The following PDE6A variants were observed in gnomAD, a reference collection of about 807,000 sequenced individuals.
The protein encoded by PDE6A is rod cGMP-specific 3',5'-cyclic phosphodiesterase subunit alpha.
Under a neutral mutation model 106.3 loss-of-function variants are expected in PDE6A, and 84 were observed. The observed-to-expected ratio is 0.79, with a 90% confidence interval of 0.66 to 0.95. The LOEUF is 0.95. Ranked by LOEUF, PDE6A falls within the 40% of genes least tolerant of loss-of-function variation. The pLI, the probability that PDE6A is intolerant of heterozygous loss-of-function variation, is 0.00. For missense variants in PDE6A, 1,052 were observed against 1,084.9 expected (o/e 0.97, Z 0.43); for synonymous variants, 394 against 386.6 (o/e 1.02, Z -0.23).
chr5:149,872,066 T>C (rs1158026311), intron 17 of PDE6A, among the ~76,000 whole-genome samples: 1 of 152,160 alleles, frequency 6.6e-6, no homozygotes, highest in Non-Finnish European at 1.5e-5. Context: ...CCTTATGCTC[T>C]CAGTAGACGA....
In PDE6A at chr5:149,907,301, A is replaced by T. The variant is rs1216848677; in HGVS notation, c.1065+11T>A. 1.2e-6 allele frequency: 2 copies of T among 1,602,486 alleles called. No individual in the cohort carries two copies. Among genetic ancestry groups the T allele is most frequent in the Middle Eastern group, 1.7e-4 (1 of 6,042 alleles). The stretch of plus-strand genomic sequence containing the variant: ...TCCAAAACTCTCCCCCTTCAAAGTT[A>T]TATTACTTACCAGGCCATTCTGGGC... On this transcript the variant is annotated intron_variant, in intron 7 of 21. Coordinates refer to ENST00000255266, the MANE Select transcript of PDE6A (RefSeq NM_000440.3).
At chr5:149,892,094 C>T (rs141633123) in intron 13 of PDE6A, among the ~76,000 whole-genome samples, 1 of 152,154 alleles carries the variant, frequency 6.6e-6, no homozygotes, top group African/African-American at 2.4e-5. Flanking sequence ...AGGAGGATCA[C>T]TTGAGGCCAG....
At chr5:149,881,980 A>G (rs1024872120) in intron 17 of PDE6A, among the ~76,000 whole-genome samples, 7 of 151,794 alleles carry the variant, frequency 4.6e-5, no homozygotes, top group African/African-American at 1.5e-4. Context: ...TGAGCCTGGA[A>G]GGTTGAGGCT....
chr5:149,902,765 T>A (rs1434085984), intron 8 of PDE6A, among the ~76,000 whole-genome samples: 1 of 148,688 alleles, frequency 6.7e-6, no homozygotes, highest in African/African-American at 2.5e-5. Flanking sequence ...GAGCTTGCAG[T>A]GAGCCGAGAT....
chr5:149,933,979 T>A lies in PDE6A; in HGVS notation c.668A>T (p.Lys223Met). 6.2e-7 allele frequency: 1 copy of A among 1,613,882 alleles called. No individual in the cohort carries two copies. The change falls in exon 3 of 22, where the codon AAG becomes ATG. Residue 223 changes from lysine (K) to methionine (M), a missense_variant. Transcript: ENST00000255266. ...GTGCAGGTAACTCAGGTGGTACACC[T>A]TCATGATTAGATTTGCAAAATTGAG... ...KYLNFANLIMKVYHLSYLHNC... is the reference protein window; with the variant it reads ...KYLNFANLIMMVYHLSYLHNC...
intron 17 of PDE6A, among the ~76,000 whole-genome samples, chr5:149,880,335 T>C (rs1760877914): frequency 6.6e-6 from 1 of 152,166 alleles, no homozygotes; most frequent in South Asian, 2.1e-4. Context: ...TAGCAGGGTG[T>C]TCCTTTCAAT....
chr5:149,900,366 A>AATATATATATATATATATAT (rs1256037154), intron 8 of PDE6A, among the ~76,000 whole-genome samples: 4 of 12,774 alleles, frequency 3.1e-4, no homozygotes, highest in East Asian at 4.5e-3. Flanking sequence ...CATCTCGAAA[A>AATATATATATATATATATAT]ATATATATGT....
At chr5:149,870,892 A>G (rs1184101821) in intron 17 of PDE6A, among the ~76,000 whole-genome samples, 1 of 151,774 alleles carries the variant, frequency 6.6e-6, no homozygotes, top group Non-Finnish European at 1.5e-5. Context: ...AGAAAGAAAA[A>G]GAAAGAAAGG....
chr5:149,858,144 G>A lies in PDE6A; in HGVS notation c.*2751C>T, dbSNP rs1382718211. Reference sequence around the variant, plus strand: ...AGAAACTTAACCATGGCTATGTGAGGTGATGGATATATTAATTAGCTTAAT... The same window carrying A: ...AGAAACTTAACCATGGCTATGTGAGATGATGGATATATTAATTAGCTTAAT... On this transcript the variant is annotated 3_prime_UTR_variant, in exon 22 of 22. Coordinates refer to ENST00000255266, the MANE Select transcript of PDE6A (RefSeq NM_000440.3). 1 of 152,214 alleles carries A rather than the reference G, an allele frequency of 6.6e-6. No individual in the cohort carries two copies. Among genetic ancestry groups the A allele is most frequent in the African/African-American group, 2.4e-5 (1 of 41,448 alleles). 9.4% of individuals were successfully genotyped at this position (152,214 alleles called of 1,614,324 possible). A position where few individuals can be genotyped will look rare whatever the true frequency, so the allele number is the denominator to read the frequency against.
At chr5:149,884,740 C>A (rs1752218445) in intron 15 of PDE6A, 40 bp downstream of exon 15, 1 of 1,565,612 alleles carries the variant, frequency 6.4e-7, no homozygotes, top group Non-Finnish European at 8.8e-7. Flanking sequence ...AGCCTCTGAT[C>A]CAGGCCCCGC....
At chr5:149,914,771 T>C (rs1753500541) in intron 6 of PDE6A, among the ~76,000 whole-genome samples, 172 bp downstream of exon 6, 1 of 152,238 alleles carries the variant, frequency 6.6e-6, no homozygotes, top group South Asian at 2.1e-4. Flanking sequence ...ACATGTTCTT[T>C]GATCTTTGCT....
intron 8 of PDE6A, among the ~76,000 whole-genome samples, chr5:149,903,239 C>T (rs1382101472): frequency 6.7e-6 from 1 of 148,994 alleles, no homozygotes; most frequent in African/African-American, 2.5e-5. Context: ...TGAAATACAA[C>T]TTTAATGTCT....
intron 14 of PDE6A, among the ~76,000 whole-genome samples, chr5:149,885,538 T>C (rs1752262845): frequency 6.6e-6 from 1 of 152,238 alleles, no homozygotes; most frequent in African/African-American, 2.4e-5. Context: ...AGCACCTTTT[T>C]TGCCTGGCAT....
chr5:149,920,842 C>A (rs781360122), intron 5 of PDE6A, among the ~76,000 whole-genome samples: 1 of 150,102 alleles, frequency 6.7e-6, no homozygotes, highest in Non-Finnish European at 1.5e-5. Flanking sequence ...TCAAGACCAG[C>A]CTAGGCAACA....
intron 7 of PDE6A, 113 bp from the exon 8 acceptor site, chr5:149,903,808 T>C: frequency 1.2e-6 from 1 of 840,330 alleles, no homozygotes; most frequent in Non-Finnish European, 2.1e-6. Flanking sequence ...GCATTCACAT[T>C]CTTTTCATCA....
Position 149,886,357 on chromosome 5 carries a change from G to C in PDE6A, c.1746C>G (p.Arg582=), listed in dbSNP as rs1752305108. 6.2e-7 allele frequency: 1 copy of C among 1,613,840 alleles called. No individual in the cohort carries two copies. Among genetic ancestry groups the C allele is most frequent in the African/African-American group, 1.3e-5 (1 of 74,938 alleles). ...CCAAGGCCTCTAGGTCCGTGAAGTA[G>C]CGCTTCAGCTTTCCCGTCTGGAAGG... ...FSLLVTGKLK[R]YFTDLEALAM... Residue 582 remains arginine (R), a synonymous_variant, in exon 14 of 22, where the codon CGC becomes CGG. Coordinates refer to ENST00000255266, the MANE Select transcript of PDE6A (RefSeq NM_000440.3).
chr5:149,906,544 C>T (rs1189504314), intron 7 of PDE6A, among the ~76,000 whole-genome samples: 1 of 48,802 alleles, frequency 2.0e-5, no homozygotes, highest in African/African-American at 6.4e-5. Context: ...AAAAATCCCA[C>T]CTTTTAGACA....
intron 1 of PDE6A, among the ~76,000 whole-genome samples, chr5:149,935,469 A>ACTATGTGT (rs1754155020): frequency 6.6e-6 from 1 of 152,164 alleles, no homozygotes; most frequent in Non-Finnish European, 1.5e-5. Flanking sequence ...TAGAAACCCC[A>ACTATGTGT]CTATGTGTCA....
intron 7 of PDE6A, among the ~76,000 whole-genome samples, chr5:149,905,270 C>T (rs1753140088): frequency 6.6e-6 from 1 of 152,112 alleles, no homozygotes; most frequent in Admixed American, 6.5e-5. Flanking sequence ...TTATTGCACC[C>T]TAGGTCCACT....
Sources: gnomAD v4.1 joint callset for allele counts (sites outside exome capture counted in the v4.1 genomes callset) on GRCh38, gnomAD v4.1.1 for gene constraint, MANE v1.5 for transcripts, NCBI Gene and HGNC (gene_info 2026-07-23, HGNC 2026-07-21) for gene names.